CDH2: variants seen among roughly 807,000 people sequenced by gnomAD.
The protein encoded by CDH2 is cadherin 2.
Under a neutral mutation model 92.0 loss-of-function variants are expected in CDH2, and 17 were observed. That is an observed-to-expected ratio of 0.18 (90% CI 0.13 to 0.28). The LOEUF is 0.28. CDH2 is among the 10% of genes least tolerant of loss of function. The pLI is 1.00. For missense variants in CDH2, 862 were observed against 1,133.1 expected, an observed-to-expected ratio of 0.76 and a Z score of 3.44; for synonymous variants, 419 against 415.9, an observed-to-expected ratio of 1.01 and a Z score of -0.09.
intron 2 of CDH2, among the ~76,000 whole-genome samples, chr18:28,086,464 C>T (rs1471204703): frequency 6.6e-6 from 1 of 151,892 alleles, no homozygotes; most frequent in East Asian, 1.9e-4. Flanking sequence ...TACGGTCTCC[C>T]ACTGAGAAAG....
At chr18:28,081,310 C>T (rs1444805756) in intron 2 of CDH2, among the ~76,000 whole-genome samples, 2 of 152,104 alleles carry the variant, frequency 1.3e-5, no homozygotes, top group Non-Finnish European at 2.9e-5. Context: ...TAGGGCAGAT[C>T]CCATCATATA....
intron 2 of CDH2, among the ~76,000 whole-genome samples, chr18:28,057,666 CAAAA>C (rs879732697): frequency 1.0e-5 from 1 of 98,120 alleles, no homozygotes. Context: ...GACTCTGTCT[CAAAA>C]AAAAAAAAAA....
chr18:27,954,291 A>G (rs767399383), intron 15 of CDH2, among the ~76,000 whole-genome samples: 9 of 152,180 alleles, frequency 5.9e-5, no homozygotes, highest in Non-Finnish European at 1.0e-4. Flanking sequence ...AGATTGTGTT[A>G]CTGCCCTCAG....
intron 2 of CDH2, among the ~76,000 whole-genome samples, chr18:28,026,520 C>T (rs1383264539): frequency 6.6e-6 from 1 of 152,102 alleles, no homozygotes; most frequent in African/African-American, 2.4e-5. Context: ...AGGCCAAGTC[C>T]TTGCTAGAAC....
Position 28,035,193 on chromosome 18 carries a change from A to T in CDH2, c.173-21284T>A, listed in dbSNP as rs17522763. Among the ~76,000 whole-genome samples, 337 of 152,140 alleles carry T rather than the reference A, an allele frequency of 2.2e-3. 1 individual carries two copies. The highest frequency in any genetic ancestry group is 7.9e-3 in the African/African-American group (327 of 41,544). On this transcript the variant is annotated intron_variant, in intron 2 of 15. Coordinates refer to ENST00000269141, the MANE Select transcript of CDH2 (RefSeq NM_001792.5). ...TTTCTTTTTGAAAGTTTCTAATAAA[A>T]TAAACTCATTCTTTATTCAGTTTTC...
At chr18:28,128,447 A>G (rs2015712122) in intron 2 of CDH2, among the ~76,000 whole-genome samples, 1 of 152,126 alleles carries the variant, frequency 6.6e-6, no homozygotes, top group Non-Finnish European at 1.5e-5. Context: ...TAATCCCAGC[A>G]CTTGGGAAGC....
chr18:28,146,786 A>G (rs1296805407), intron 2 of CDH2: 1 of 152,106 alleles, frequency 6.6e-6, no homozygotes, highest in Non-Finnish European at 1.5e-5. Context: ...GAGGTTACGC[A>G]GATTTTCTAA....
At chr18:28,098,013 T>C (rs902437206) in intron 2 of CDH2, among the ~76,000 whole-genome samples, 7 of 152,180 alleles carry the variant, frequency 4.6e-5, no homozygotes, top group African/African-American at 1.7e-4. Flanking sequence ...TCCCAAAATT[T>C]CATTGCAGAA....
At chr18:28,157,133 G>C (rs2016232109) in intron 1 of CDH2, among the ~76,000 whole-genome samples, 1 of 152,192 alleles carries the variant, frequency 6.6e-6, no homozygotes, top group Admixed American at 6.5e-5. Context: ...CAATTAAACA[G>C]TCAGAAAAAG....
chr18:28,000,846 A>T (rs186733270), intron 7 of CDH2, among the ~76,000 whole-genome samples: 53 of 151,878 alleles, frequency 3.5e-4, no homozygotes, highest in Non-Finnish European at 6.3e-4. Flanking sequence ...TCCTGAGAGC[A>T]CGAGAACACA....
At chr18:28,002,873 A>T (rs1358592832) in intron 7 of CDH2, 124 bp downstream of exon 7, 9 of 914,276 alleles carry the variant, frequency 9.8e-6, no homozygotes, top group Admixed American at 4.3e-5. Flanking sequence ...TTACTTAATG[A>T]AAACGATTAG....
At chr18:27,959,837 T>G (rs1221878225) in intron 15 of CDH2, among the ~76,000 whole-genome samples, 1 of 152,114 alleles carries the variant, frequency 6.6e-6, no homozygotes. Flanking sequence ...CATTTCTCTA[T>G]CTTGTAATTA....
chr18:28,138,606 A>G (rs879831872), intron 2 of CDH2, among the ~76,000 whole-genome samples: 5 of 152,098 alleles, frequency 3.3e-5, no homozygotes, highest in African/African-American at 1.2e-4. Context: ...AGCCAAGGTG[A>G]TTATGTTCAG....
rs199536708 is a variant in CDH2 at position 27,992,645 on chromosome 18, G to A, written c.1344+10C>T. On this transcript the variant is annotated intron_variant, in intron 9 of 15. Coordinates refer to ENST00000269141, the MANE Select transcript of CDH2 (RefSeq NM_001792.5). ...CTGTTGGAGAGATCAGTGGCCCGAG[G>A]AACACTTACTTTGACCACGGTGACT... 2.0e-5 allele frequency: 32 copies of A among 1,606,054 alleles called. No homozygotes were observed. The East Asian group carries it at 5.6e-4, about 28-fold the overall frequency.
intron 2 of CDH2, among the ~76,000 whole-genome samples, chr18:28,045,024 T>TA (rs1209101064): frequency 1.3e-5 from 2 of 152,176 alleles, no homozygotes; most frequent in African/African-American, 4.8e-5. Context: ...TTCAGGTAGA[T>TA]AGACCTCAAA....
At chr18:28,002,211 G>A (rs1409132580) in intron 7 of CDH2, among the ~76,000 whole-genome samples, 2 of 152,174 alleles carry the variant, frequency 1.3e-5, no homozygotes. Flanking sequence ...CCAAGATCAA[G>A]ATAAAGGTGC....
chr18:28,172,006 C>G (rs1042301367), intron 1 of CDH2, among the ~76,000 whole-genome samples: 1 of 152,024 alleles, frequency 6.6e-6, no homozygotes, highest in African/African-American at 2.4e-5. Context: ...TTGATTGACA[C>G]TTCATATCAG....
chr18:28,057,065 T>C (rs191558946), intron 2 of CDH2, among the ~76,000 whole-genome samples: 27 of 152,264 alleles, frequency 1.8e-4, no homozygotes, highest in Admixed American at 1.1e-3. Context: ...CCAGGACCAT[T>C]TGAAGTCTTG....
At chr18:28,119,628 TTATA>T (rs2015553624) in intron 2 of CDH2, among the ~76,000 whole-genome samples, 1 of 152,230 alleles carries the variant, frequency 6.6e-6, no homozygotes, top group Non-Finnish European at 1.5e-5. Context: ...TGTCTGCTAT[TTATA>T]TATACCACCT....
Sources: gnomAD v4.1 joint callset for allele counts (sites outside exome capture counted in the v4.1 genomes callset) on GRCh38, gnomAD v4.1.1 for gene constraint, MANE v1.5 for transcripts, NCBI Gene and HGNC (gene_info 2026-07-23, HGNC 2026-07-21) for gene names.